The following RGPD3 variants were observed in gnomAD, a reference collection of about 807,000 sequenced individuals.
RGPD3 encodes RANBP2 like and GRIP domain containing 3, also known as ranBP2-like and GRIP domain-containing protein 3.
A neutral mutation model predicts 154.5 loss-of-function variants in RGPD3; 62 were observed. The observed-to-expected ratio is 0.40, with a 90% confidence interval of 0.33 to 0.50. The LOEUF (loss-of-function observed/expected upper bound fraction) is 0.50, where lower values mean the gene tolerates loss of function less well. RGPD3 is among the 20% of genes least tolerant of loss of function. RGPD3 has a pLI of 0.59. For synonymous variants in RGPD3, 308 were observed against 607.0 expected (o/e 0.51, Z 7.24); for missense variants, 919 against 1,716.8 (o/e 0.54, Z 8.21).
chr2:106,420,643 A>G (rs1186612044), intron 20 of RGPD3, among the ~76,000 whole-genome samples: 1 of 152,302 alleles, frequency 6.6e-6, no homozygotes, highest in Non-Finnish European at 1.5e-5. Context: ...TAATTTTTAT[A>G]TTAATTAGAA....
chr2:106,409,579 T>C (rs1245658302), intron 22 of RGPD3, among the ~76,000 whole-genome samples: 4 of 152,122 alleles, frequency 2.6e-5, no homozygotes, highest in Non-Finnish European at 5.9e-5. Flanking sequence ...TTGAGATTTC[T>C]CTCTGTCTTT....
In RGPD3 at chr2:106,413,113, T is replaced by C. The variant is rs1676723035; in HGVS notation, c.5237A>G (p.Glu1746Gly). ...INTMLQLSLE[E>G]KGKLAAVAQG... Reference sequence around the variant, plus strand: ...AGCAACCGCAGCAAGTTTTCCCTTTTCTTCAAGGCTGAGCTGCAACATCGT... The same window carrying C: ...AGCAACCGCAGCAAGTTTTCCCTTTCCTTCAAGGCTGAGCTGCAACATCGT... The change falls in exon 22 of 23, where the codon GAA becomes GGA. Residue 1746 changes from glutamate (E) to glycine (G), a missense_variant. Physicochemically the swap from Glu to Gly is moderately conservative, Grantham distance 98. Transcript: ENST00000409886. The C allele has an allele frequency of 6.2e-7, 1 of 1,610,770 alleles. No individual in the cohort carries two copies. The highest frequency in any genetic ancestry group is 1.1e-5 in the South Asian group (1 of 90,662).
At chr2:106,466,222 G>T (rs545271431) in intron 1 of RGPD3, among the ~76,000 whole-genome samples, 1 of 152,150 alleles carries the variant, frequency 6.6e-6, no homozygotes, top group African/African-American at 2.4e-5. Context: ...TCTCCCGCCC[G>T]CAGCGGTCCC....
At chr2:106,408,771 C>T (rs926447466) in intron 22 of RGPD3, among the ~76,000 whole-genome samples, 9 of 151,986 alleles carry the variant, frequency 5.9e-5, no homozygotes, top group East Asian at 5.8e-4. Flanking sequence ...ACTGCAGCCT[C>T]GAACCCCTTA....
intron 22 of RGPD3, among the ~76,000 whole-genome samples, chr2:106,409,227 T>C (rs1314185680): frequency 6.6e-6 from 1 of 152,094 alleles, no homozygotes; most frequent in Non-Finnish European, 1.5e-5. Flanking sequence ...GCATCCCTCA[T>C]GTATGCAGTG....
chr2:106,432,389 G>C (rs1677389902), intron 17 of RGPD3, among the ~76,000 whole-genome samples: 2 of 147,646 alleles, frequency 1.4e-5, no homozygotes, highest in Non-Finnish European at 3.0e-5. Context: ...GGAGGTGGAG[G>C]TTGCAGTGAG....
In RGPD3 at chr2:106,413,291, G is replaced by T. The variant is rs775830650; in HGVS notation, c.5065-6C>A. 2.2e-5 allele frequency: 35 copies of T among 1,611,758 alleles called. No individual in the cohort carries two copies. In the South Asian group the frequency reaches 3.1e-4, roughly 14 times the overall value. ...CTTATTTCACTTTTGAGAAGCTGGT[G>T]TTAGAGAAATGAGTTAAAAATGGGC... On this transcript the variant is annotated splice_region_variant and splice_polypyrimidine_tract_variant and intron_variant, in intron 21 of 22. Coordinates refer to ENST00000409886, the MANE Select transcript of RGPD3 (RefSeq NM_001144013.2).
intron 9 of RGPD3, among the ~76,000 whole-genome samples, chr2:106,437,516 A>C (rs1246675230): frequency 6.6e-6 from 1 of 151,870 alleles, no homozygotes; most frequent in African/African-American, 2.4e-5. Context: ...TGTCTCAAAA[A>C]AAAGAAAAGA....
intron 1 of RGPD3, among the ~76,000 whole-genome samples, chr2:106,464,981 T>C (rs1222988171): frequency 8.6e-5 from 13 of 150,450 alleles, no homozygotes; most frequent in Non-Finnish European, 1.9e-4. Flanking sequence ...ACGAAGAATA[T>C]TTTTAAGAAG....
At chr2:106,415,413 C>A (rs1676794413) in intron 21 of RGPD3, among the ~76,000 whole-genome samples, 1 of 152,062 alleles carries the variant, frequency 6.6e-6, no homozygotes, top group South Asian at 2.1e-4. Context: ...TGCGGTGGCT[C>A]ACGTCTGTAA....
At chr2:106,468,194 C>G (rs554129403) in intron 1 of RGPD3, 23 bp downstream of exon 1, 55 of 1,593,704 alleles carry the variant, frequency 3.5e-5, no homozygotes, top group Admixed American at 7.0e-5. Context: ...TCGAGGCCGT[C>G]GGTCTCTTCC....
At chr2:106,410,303 TA>T (rs1290226464) in intron 22 of RGPD3, among the ~76,000 whole-genome samples, 1 of 152,200 alleles carries the variant, frequency 6.6e-6, no homozygotes, top group African/African-American at 2.4e-5. Flanking sequence ...AAATAATCTT[TA>T]AAGGGCAAAC....
chr2:106,442,297 C>A (rs1335697073), intron 7 of RGPD3, among the ~76,000 whole-genome samples: 6 of 98,552 alleles, frequency 6.1e-5, no homozygotes, highest in Non-Finnish European at 1.2e-4. Context: ...CATTACTTTT[C>A]TACCCTGCAT....
intron 7 of RGPD3, among the ~76,000 whole-genome samples, chr2:106,441,859 A>G (rs1460321095): frequency 2.0e-5 from 2 of 99,492 alleles, no homozygotes; most frequent in Admixed American, 2.7e-4. Context: ...GTGAGACTCC[A>G]TCGCAAAAAA....
chr2:106,440,510 A>G (rs2912688), intron 8 of RGPD3, among the ~76,000 whole-genome samples: 4 of 149,978 alleles, frequency 2.7e-5, no homozygotes, highest in Non-Finnish European at 4.4e-5. Context: ...AGAGAAAAGG[A>G]AAAAAGTAGA....
intron 22 of RGPD3, among the ~76,000 whole-genome samples, chr2:106,409,453 G>C (rs2104441205): frequency 6.6e-6 from 1 of 152,180 alleles, no homozygotes; most frequent in East Asian, 1.9e-4. Flanking sequence ...TTCCAGAAGA[G>C]ATCTTGGAAA....
rs573398334 is a variant in RGPD3, at chr2:106,423,720, C to G, written c.4247G>C (p.Ser1416Thr). ...CANHRITPDM[S>T]LQNMKGTERV... ...TTCTGTCCCTTTCATATTTTGCAAA[C>G]TCATGTCTGGAGTTATTCTGTGATT... Residue 1416 changes from serine (S) to threonine (T), a missense_variant, in exon 20 of 23, where the codon AGT becomes ACT. Transcript: ENST00000409886. The G allele has an allele frequency of 6.0e-4, 959 of 1,611,522 alleles. 10 individuals are homozygous for G. In the East Asian group the frequency reaches 0.018, roughly 30 times the overall value.
At chr2:106,465,427 G>T (rs1203410110) in intron 1 of RGPD3, among the ~76,000 whole-genome samples, 1 of 152,208 alleles carries the variant, frequency 6.6e-6, no homozygotes, top group East Asian at 1.9e-4. Flanking sequence ...TCAAAATCTT[G>T]CCACCACTCC....
chr2:106,414,802 G>A (rs1221486069), intron 21 of RGPD3, among the ~76,000 whole-genome samples: 15 of 150,406 alleles, frequency 1.0e-4, no homozygotes, highest in South Asian at 2.2e-4. Flanking sequence ...AACTGAATTC[G>A]GCTTTAAAAT....
Sources: gnomAD v4.1 joint callset for allele counts (sites outside exome capture counted in the v4.1 genomes callset) on GRCh38, gnomAD v4.1.1 for gene constraint, MANE v1.5 for transcripts, NCBI Gene and HGNC (gene_info 2026-07-23, HGNC 2026-07-21) for gene names.